The following B4GALT6 variants were observed in gnomAD, a reference collection of about 807,000 sequenced individuals.
B4GALT6 encodes beta-1,4-galactosyltransferase 6, also known as UDP-Gal:beta-GlcNAc beta-1,4-galactosyltransferase 6.
In B4GALT6, 14 loss-of-function variants were observed where a neutral mutation model predicts 46.3. The observed-to-expected ratio is 0.30, with a 90% CI of 0.20 to 0.47. The LOEUF (loss-of-function observed/expected upper bound fraction) is 0.47. Ranked by LOEUF, B4GALT6 falls within the 20% of genes least tolerant of loss-of-function variation. The pLI is 0.99. For missense variants in B4GALT6, 386 were observed against 480.1 expected (o/e 0.80, Z 1.83); for synonymous variants, 168 against 162.0 (o/e 1.04, Z -0.28).
intron 3 of B4GALT6, among the ~76,000 whole-genome samples, chr18:31,648,032 G>A (rs2074013735): frequency 4.6e-5 from 7 of 152,168 alleles, no homozygotes; most frequent in Admixed American, 3.9e-4. Flanking sequence ...AATGAAGCTA[G>A]AGAGGGAATG....
chr18:31,658,115 A>C (rs1215743160), intron 2 of B4GALT6, 26 bp from the exon 3 acceptor site: 2 of 617,072 alleles, frequency 3.2e-6, no homozygotes, highest in South Asian at 4.0e-5. Context: ...AAGAGTTACA[A>C]AAAAAAAAAA....
At chr18:31,716,854 C>T in the B4GALT6 span, among the ~76,000 whole-genome samples, 1 of 152,118 alleles carries the variant, frequency 6.6e-6, no homozygotes, top group Non-Finnish European at 1.5e-5. Context: ...AATCCCAGCA[C>T]TTTGGGAGGC....
chr18:31,714,457 G>A, the B4GALT6 span, among the ~76,000 whole-genome samples: 4 of 152,174 alleles, frequency 2.6e-5, no homozygotes, highest in African/African-American at 9.7e-5. Flanking sequence ...CTGACATGAA[G>A]CCAGGTGGGG....
chr18:31,693,299 A>G, the B4GALT6 span, among the ~76,000 whole-genome samples: 3 of 152,194 alleles, frequency 2.0e-5, no homozygotes, highest in African/African-American at 7.2e-5. Flanking sequence ...GTACACCAGT[A>G]CACAAGTACA....
chr18:31,645,251 T>G (rs1456301997), intron 4 of B4GALT6, 104 bp downstream of exon 4: 1 of 1,478,964 alleles, frequency 6.8e-7, no homozygotes, highest in East Asian at 2.3e-5. Flanking sequence ...TGTTTTAAAT[T>G]TATCAAGACT....
chr18:31,669,015 CAAAAAA>C (rs34372600), intron 1 of B4GALT6, among the ~76,000 whole-genome samples: 3 of 101,066 alleles, frequency 3.0e-5, no homozygotes, highest in African/African-American at 1.1e-4. Flanking sequence ...GACCCTGTGT[CAAAAAA>C]AAAAAAAAAA....
At chr18:31,684,836 CT>C, upstream of B4GALT6, 1 of 914,244 alleles carries the variant, frequency 1.1e-6, no homozygotes, top group South Asian at 4.9e-5. Context: ...GGGCAGCTAA[CT>C]GCAGCACGCC....
chr18:31,667,225 C>T (rs1034117297), intron 1 of B4GALT6, among the ~76,000 whole-genome samples: 4 of 152,102 alleles, frequency 2.6e-5, no homozygotes, highest in African/African-American at 9.7e-5. Context: ...TCAGTTTCCT[C>T]GTTTTCACAA....
the B4GALT6 span, among the ~76,000 whole-genome samples, chr18:31,691,824 C>T: frequency 2.6e-5 from 4 of 152,096 alleles, no homozygotes; most frequent in African/African-American, 9.7e-5. Flanking sequence ...TAGCAACGTC[C>T]TCTCTTAAGC....
upstream of B4GALT6, chr18:31,684,711 G>C (rs976195204): frequency 8.7e-7 from 1 of 1,155,494 alleles, no homozygotes; most frequent in Non-Finnish European, 1.1e-6. Flanking sequence ...ACGGCAGGAC[G>C]GAAGAAAGCC....
chr18:31,683,312 C>T (rs1199259699), intron 1 of B4GALT6, among the ~76,000 whole-genome samples: 1 of 152,204 alleles, frequency 6.6e-6, no homozygotes, highest in Non-Finnish European at 1.5e-5. Context: ...ACATTTTTAG[C>T]TAACTCGGAA....
the B4GALT6 span, among the ~76,000 whole-genome samples, chr18:31,717,348 A>C: frequency 6.6e-6 from 1 of 152,182 alleles, no homozygotes; most frequent in African/African-American, 2.4e-5. Flanking sequence ...AATGAAAGGT[A>C]CCTTATGGAA....
At position 31,658,031 on chromosome 18, in the gene B4GALT6, C is replaced by T. The variant is rs373869100; in HGVS notation, c.291G>A (p.Pro97=). Residue 97 remains proline, a synonymous_variant, in exon 3 of 9, where the codon CCG becomes CCA. Coordinates refer to ENST00000306851, the MANE Select transcript of B4GALT6 (RefSeq NM_004775.5). ...GGTATGGTGAGTATGTGAAGTTTTC[C>T]GGGAGATACGTTGTTGTTTGAACAA... is the stretch of plus-strand genomic sequence containing the variant. ...DYLVQTTTYL[P]ENFTYSPYLP... 9.9e-6 allele frequency: 16 copies of T among 1,612,388 alleles called. No homozygotes were observed. The highest frequency in any genetic ancestry group is 4.0e-5 in the African/African-American group (3 of 74,246).
intron 3 of B4GALT6, among the ~76,000 whole-genome samples, chr18:31,657,693 A>G (rs947665428): frequency 6.6e-6 from 1 of 152,222 alleles, no homozygotes; most frequent in African/African-American, 2.4e-5. Flanking sequence ...GAACTTGGAC[A>G]TAGGTAAGCC....
chr18:31,672,628 T>A (rs2074369245), intron 1 of B4GALT6, among the ~76,000 whole-genome samples: 1 of 152,196 alleles, frequency 6.6e-6, no homozygotes. Flanking sequence ...CTTAAAAAAA[T>A]TCAGCATACT....
intron 4 of B4GALT6, 25 bp from the exon 5 acceptor site, chr18:31,638,785 G>A: frequency 6.5e-7 from 1 of 1,534,258 alleles, no homozygotes. Flanking sequence ...AGTCATGTAT[G>A]TAAATAAATA....
intron 6 of B4GALT6, among the ~76,000 whole-genome samples, chr18:31,629,447 A>ATTTTTTTTTTTTTTTT (rs869030382): frequency 2.7e-4 from 9 of 32,884 alleles, no homozygotes; most frequent in Admixed American, 5.5e-4. Context: ...GCCCTTTATG[A>ATTTTTTTTTTTTTTTT]TTTTTTTTTT....
At chr18:31,646,226 C>T (rs1157568128) in intron 3 of B4GALT6, among the ~76,000 whole-genome samples, 1 of 152,226 alleles carries the variant, frequency 6.6e-6, no homozygotes, top group East Asian at 1.9e-4. Context: ...CTGAGGTATT[C>T]CTGGTCTAAC....
rs201457689 is a variant in B4GALT6 at position 31,630,952 on chromosome 18, T to C, written c.776+7A>G. 121 of 1,613,848 alleles carry C rather than the reference T, an allele frequency of 7.5e-5. No individual in the cohort carries two copies. The highest frequency in any genetic ancestry group is 1.0e-4 in the Non-Finnish European group (119 of 1,179,828). On this transcript the variant is annotated splice_region_variant and intron_variant, in intron 6 of 8. Transcript: ENST00000306851. Reference sequence around the variant, plus strand: ...GTACAATATCAGGAATAGTGCACACTACTTACATATACATGTATTTATCCA... The same window carrying C: ...GTACAATATCAGGAATAGTGCACACCACTTACATATACATGTATTTATCCA...
Sources: allele counts gnomAD v4.1 joint callset (sites outside exome capture counted in the v4.1 genomes callset), GRCh38; gene constraint gnomAD v4.1.1; transcripts MANE v1.5; gene names NCBI Gene and HGNC (gene_info 2026-07-23, HGNC 2026-07-21).